The following MYL6B variants were observed in gnomAD, a reference collection of about 807,000 sequenced individuals.
MYL6B encodes the protein myosin alkali light chain 1 slow a.
A neutral mutation model predicts 24.5 loss-of-function variants in MYL6B; 19 were observed. That is an observed-to-expected ratio of 0.78 (90% confidence interval 0.54 to 1.14). The LOEUF (loss-of-function observed/expected upper bound fraction) is 1.14, where lower values mean the gene tolerates loss of function less well. MYL6B is among the 50% of genes most tolerant of loss of function. The pLI is 0.00. For synonymous variants in MYL6B, 90 were observed against 100.7 expected (o/e 0.89, Z 0.64); for missense variants, 230 against 263.8 (o/e 0.87, Z 0.89).
rs1319767306 is a variant in MYL6B, at chr12:56,154,207, T to C, written c.174+115T>C. On this transcript the variant is annotated intron_variant, in intron 2 of 6. Coordinates refer to ENST00000553066, the Ensembl canonical transcript of MYL6B. ...GGAATCAGTGAGCCCTGGAATGAGA[T>C]TGGGGCTTTCCCTTAGTCCCCCATT... The C allele has an allele frequency of 1.1e-5, 12 of 1,105,504 alleles. No individual in the cohort carries two copies. The South Asian group carries it at 1.9e-4, about 18-fold the overall frequency. The allele number at this position is 1,105,504 out of a possible 1,614,324, so 68.5% of individuals were successfully genotyped here. A position where few individuals can be genotyped will look rare whatever the true frequency, so the allele number is the denominator to read the frequency against.
rs143110472 is a variant in MYL6B, at chr12:56,155,193, G to A, written c.341G>A (p.Ser114Asn). 1.4e-5 allele frequency: 23 copies of A among 1,598,906 alleles called. No individual in the cohort carries two copies. The African/African-American group carries it at 2.7e-4, about 19-fold the overall frequency. The change falls in exon 4 of 7, where the codon AGT becomes AAT. Residue 114 changes from serine to asparagine, a missense_variant. Physicochemically the swap from Ser to Asn is conservative, Grantham distance 46. Transcript: ENST00000553066. ...CTCAAGGTCCTGGGGAACCCCAAGA[G>A]TGATGGTGAGGGGACCCTTGGGAAC... is the stretch of plus-strand genomic sequence containing the variant.
chr12:56,153,286 T>C (rs754877960), intron 1 of MYL6B: 24 of 299,410 alleles, frequency 8.0e-5, no homozygotes, highest in Non-Finnish European at 1.2e-4. Flanking sequence ...TTTTTATGAC[T>C]ATTCTTCCTT....
intron 6 of MYL6B, 34 bp from the exon 7 acceptor site, chr12:56,157,664 C>CT: frequency 6.2e-7 from 1 of 1,613,388 alleles, no homozygotes; most frequent in South Asian, 1.1e-5. Context: ...CAAAGGCCTG[C>CT]TTCTGAAGCC....
At chr12:56,154,024 G>T (rs1871212381) in exon 2 of MYL6B, 1 of 1,614,000 alleles carries the variant, frequency 6.2e-7, no homozygotes, top group African/African-American at 1.3e-5. Flanking sequence ...CAAGACCAAA[G>T]CTGAGCCAGC....
At chr12:56,153,895 A>T in exon 2 of MYL6B, 2 of 1,594,616 alleles carry the variant, frequency 1.3e-6, no homozygotes, top group Non-Finnish European at 1.7e-6. Flanking sequence ...CCATCCGCAC[A>T]CTGTCCTTTG....
In MYL6B at chr12:56,154,128, G is replaced by T. The variant is rs765965460; in HGVS notation, c.174+36G>T. 6.3e-6 allele frequency: 10 copies of T among 1,590,898 alleles called. No homozygotes were observed. In the South Asian group the frequency reaches 1.0e-4, roughly 16 times the overall value. The stretch of plus-strand genomic sequence containing the variant: ...GGAAAGTGAAGATAGAATTGGAGGG[G>T]GTGGTTTGAGGGTGGGATACAGCCT... On this transcript the variant is annotated intron_variant, in intron 2 of 6. Transcript: ENST00000553066.
intron 6 of MYL6B, 54 bp downstream of exon 6, chr12:56,157,599 C>G (rs1871382603): frequency 6.2e-7 from 1 of 1,612,990 alleles, no homozygotes; most frequent in African/African-American, 1.3e-5. Context: ...AGCCTGGCGT[C>G]TTGCCGCGTG....
Position 56,157,705 on chromosome 12 carries a change from G to C in MYL6B, c.606G>C (p.Leu202Phe), listed in dbSNP as rs763976120. 1.9e-6 allele frequency: 3 copies of C among 1,612,672 alleles called. No individual in the cohort carries two copies. In the Admixed American group the frequency reaches 5.0e-5, roughly 27 times the overall value. ...TGCCTCCTCTCTCTGCAGCCTTCTT[G>C]AAACACATCCTAAGCGTCTGAGTGC... The change falls in exon 7 of 7, where the codon TTG becomes TTC. Residue 202 changes from leucine to phenylalanine, a missense_variant. Coordinates refer to ENST00000553066, the Ensembl canonical transcript of MYL6B.
intron 2 of MYL6B, 94 bp from the exon 3 acceptor site, chr12:56,154,719 C>G: frequency 7.0e-7 from 1 of 1,435,974 alleles, no homozygotes; most frequent in Non-Finnish European, 9.5e-7. Context: ...CCTTTGGGCC[C>G]CTCCTCAGAA....
At chr12:56,153,620 A>G in intron 1 of MYL6B, 1 of 356,926 alleles carries the variant, frequency 2.8e-6, no homozygotes, top group Middle Eastern at 1.1e-3. Context: ...CTGGAGGTTA[A>G]CTACCTCATT....
chr12:56,153,261 G>A (rs930398910), intron 1 of MYL6B, among the ~76,000 whole-genome samples: 3 of 152,098 alleles, frequency 2.0e-5, no homozygotes, highest in African/African-American at 7.2e-5. Context: ...GACAATGAGG[G>A]ATGTCATACT....
intron 4 of MYL6B, 55 bp downstream of exon 4, chr12:56,155,253 G>A (rs952655740): frequency 6.4e-7 from 1 of 1,559,000 alleles, no homozygotes; most frequent in African/African-American, 1.4e-5. Context: ...GTTGGATGTT[G>A]GTAACAAAAA....
intron 4 of MYL6B, 75 bp downstream of exon 4, chr12:56,155,273 G>A: frequency 3.2e-6 from 5 of 1,558,668 alleles, no homozygotes; most frequent in South Asian, 1.2e-5. Flanking sequence ...AGAATGAGGT[G>A]GATCTCAGGA....
intron 1 of MYL6B, chr12:56,153,616 G>T: frequency 2.7e-6 from 1 of 365,394 alleles, no homozygotes; most frequent in Non-Finnish European, 4.1e-6. Flanking sequence ...CACCCTGGAG[G>T]TTAACTACCT....
At chr12:56,157,778 C>A in exon 7 of MYL6B, 1 of 1,596,278 alleles carries the variant, frequency 6.3e-7, no homozygotes, top group Non-Finnish European at 8.5e-7. Context: ...CGAGGCAAGT[C>A]TCCCGCCCTT....
intron 3 of MYL6B, 50 bp downstream of exon 3, chr12:56,154,890 C>T: frequency 6.3e-7 from 1 of 1,594,362 alleles, no homozygotes; most frequent in Admixed American, 1.8e-5. Context: ...ATCCCCTGGT[C>T]AGATTCTCTT....
chr12:56,156,077 G>A lies in MYL6B; in HGVS notation c.520+485G>A, dbSNP rs374988791. 139 of 1,046,704 alleles carry A rather than the reference G, an allele frequency of 1.3e-4. No individual in the cohort carries two copies. In the African/African-American group the frequency reaches 2.2e-3, roughly 17 times the overall value. The allele number at this position is 1,046,704 out of a possible 1,614,324, so 64.8% of individuals were successfully genotyped here. ...TCCCAGCATTTTGGGAGACCAAGGCGGGCGGATCACCTTAGCTCGGGAGTT... is the reference window on the plus strand; with the variant it reads ...TCCCAGCATTTTGGGAGACCAAGGCAGGCGGATCACCTTAGCTCGGGAGTT... On this transcript the variant is annotated intron_variant, in intron 5 of 6. Transcript: ENST00000553066.
chr12:56,155,029 T>TAG (rs779736545), intron 3 of MYL6B, 26 bp from the exon 4 acceptor site: 1 of 1,598,388 alleles, frequency 6.3e-7, no homozygotes, highest in South Asian at 1.1e-5. Context: ...AGTCAGTGTC[T>TAG]ACACTGACCC....
chr12:56,157,833 G>T, exon 7 of MYL6B: 2 of 1,388,642 alleles, frequency 1.4e-6, no homozygotes, highest in Admixed American at 3.9e-5. Flanking sequence ...TCTGCTGTCC[G>T]GTTGCTGCAC....
Sources: gnomAD v4.1 joint callset for allele counts (sites outside exome capture counted in the v4.1 genomes callset) on GRCh38, gnomAD v4.1.1 for gene constraint, MANE v1.5 for transcripts, NCBI Gene and HGNC (gene_info 2026-07-23, HGNC 2026-07-21) for gene names.